SPIC: variants seen among roughly 807,000 people sequenced by gnomAD.
SPIC encodes the protein Spi-C transcription factor.
Under a neutral mutation model 16.7 loss-of-function variants are expected in SPIC, and 9 were observed. The ratio of observed to expected loss-of-function variants is 0.54; its 90% CI spans 0.33 to 0.94. SPIC has a LOEUF of 0.94. SPIC is among the 40% of genes least tolerant of loss of function. The probability of loss-of-function intolerance (pLI) is 0.03; values close to 1 mark genes in which losing one functional copy is unlikely to be tolerated. For missense variants in SPIC, 241 were observed against 285.8 expected (o/e 0.84, Z 1.13); for synonymous variants, 97 against 102.9 (o/e 0.94, Z 0.35).
intron 4 of SPIC, among the ~76,000 whole-genome samples, chr12:101,482,000 T>TG (rs982512174): frequency 3.8e-5 from 5 of 132,236 alleles, no homozygotes; most frequent in African/African-American, 5.6e-5. Flanking sequence ...CCCAGCACTT[T>TG]GGGAGGCCGA....
At chr12:101,482,767 A>G in intron 4 of SPIC, 25 bp from the exon 5 acceptor site, 1 of 1,589,982 alleles carries the variant, frequency 6.3e-7, no homozygotes, top group South Asian at 1.1e-5. Flanking sequence ...GTCTCACTTA[A>G]CATCCTGCTT....
At chr12:101,483,030 T>A in intron 5 of SPIC, 130 bp downstream of exon 5, 1 of 739,620 alleles carries the variant, frequency 1.4e-6, no homozygotes, top group Non-Finnish European at 2.3e-6. Context: ...TGAGAGTAAT[T>A]TAACTCTGAC....
At chr12:101,482,223 ACT>A (rs1477096646) in intron 4 of SPIC, among the ~76,000 whole-genome samples, 2 of 143,544 alleles carry the variant, frequency 1.4e-5, no homozygotes, top group African/African-American at 5.3e-5. Flanking sequence ...CAAGAGTGAA[ACT>A]CTGTCTCAAA....
chr12:101,478,109 G>T lies in SPIC; in HGVS notation c.97+458G>T, dbSNP rs556799620. Among the ~76,000 whole-genome samples the T allele has an allele frequency of 3.1e-3, 452 of 144,242 alleles. 2 individuals carry two copies. The highest frequency in any genetic ancestry group is 0.011 in the African/African-American group (436 of 38,606). The allele number at this position is 144,242 out of a possible 152,430, so 94.6% of individuals were successfully genotyped here. ...TGCAGTGGCGCGATCTCGGCTCACT[G>T]CAAGCTCCTCCTCCCGGGTTCACGC... On this transcript the variant is annotated intron_variant, in intron 3 of 5. Transcript: ENST00000551346.
At chr12:101,479,236 GAA>G (rs1565831166) in intron 3 of SPIC, among the ~76,000 whole-genome samples, 2 of 89,348 alleles carry the variant, frequency 2.2e-5, no homozygotes, top group African/African-American at 4.0e-5. Flanking sequence ...AAGAAAGAAA[GAA>G]AGAAAAAGAA....
chr12:101,476,165 T>G (rs1872951472), intron 1 of SPIC, among the ~76,000 whole-genome samples: 1 of 152,180 alleles, frequency 6.6e-6, no homozygotes, highest in South Asian at 2.1e-4. Flanking sequence ...GGGTTGGTTT[T>G]TGTTTGTTTG....
In SPIC at chr12:101,479,647, G is replaced by A. The variant is rs1873124915; in HGVS notation, c.163G>A (p.Gly55Arg). ...TGTCAAAGGAAATTCCAGCTGCTAT[G>A]GAGTGTTGCCTACAGAGGAGCCTGT... ...PHVKGNSSCY[G>R]VLPTEEPVYN... Residue 55 changes from glycine to arginine, a missense_variant, in exon 4 of 6, where the codon GGA (glycine) becomes AGA (arginine). By Grantham distance (125) the Gly-to-Arg change is moderately radical. Coordinates refer to ENST00000551346, the MANE Select transcript of SPIC (RefSeq NM_152323.3). 1 of 1,613,646 alleles carries A rather than the reference G, an allele frequency of 6.2e-7. No individual in the cohort carries two copies. Among genetic ancestry groups the A allele is most frequent in the African/African-American group, 1.3e-5 (1 of 75,004 alleles).
chr12:101,483,633 GT>G, intron 5 of SPIC, among the ~76,000 whole-genome samples: 1 of 150,448 alleles, frequency 6.6e-6, no homozygotes, highest in East Asian at 2.0e-4. Flanking sequence ...TTTTTTAATT[GT>G]TGCCCAGGTT....
At chr12:101,479,310 A>G (rs1450142668) in intron 3 of SPIC, among the ~76,000 whole-genome samples, 7 of 108,432 alleles carry the variant, frequency 6.5e-5, no homozygotes, top group East Asian at 3.8e-4. Context: ...GAAAGAAAAA[A>G]GAAAGAAAGA....
intron 4 of SPIC, among the ~76,000 whole-genome samples, chr12:101,482,307 T>G (rs1327256745): frequency 6.6e-6 from 1 of 151,340 alleles, no homozygotes; most frequent in African/African-American, 2.4e-5. Flanking sequence ...TGGGCTCAAG[T>G]GATTCCCCTG....
chr12:101,479,153 GA>G (rs1164947603), intron 3 of SPIC, among the ~76,000 whole-genome samples: 5 of 76,618 alleles, frequency 6.5e-5, no homozygotes, highest in African/African-American at 2.5e-4. Context: ...AAAAAAGAAA[GA>G]AAAGAAAGAA....
intron 4 of SPIC, among the ~76,000 whole-genome samples, chr12:101,481,938 C>A (rs1195520014): frequency 2.2e-5 from 3 of 133,666 alleles, no homozygotes; most frequent in South Asian, 5.3e-4. Flanking sequence ...CAGGCATGAG[C>A]CACCATGCCT....
intron 2 of SPIC, 70 bp downstream of exon 2, chr12:101,476,977 CT>C (rs1326965370): frequency 2.1e-6 from 2 of 971,492 alleles, no homozygotes; most frequent in Non-Finnish European, 2.9e-6. Flanking sequence ...AATTAAAAAA[CT>C]TTTTTCTTTA....
intron 4 of SPIC, among the ~76,000 whole-genome samples, chr12:101,481,587 G>A: frequency 6.6e-6 from 1 of 150,520 alleles, no homozygotes; most frequent in East Asian, 2.0e-4. Flanking sequence ...TCGGCTCACT[G>A]CATCCTCCGC....
chr12:101,478,839 T>C (rs1873044785), intron 3 of SPIC, among the ~76,000 whole-genome samples: 1 of 152,094 alleles, frequency 6.6e-6, no homozygotes, highest in South Asian at 2.1e-4. Flanking sequence ...TGTTCCAAGA[T>C]AAGAGAAATC....
intron 4 of SPIC, among the ~76,000 whole-genome samples, chr12:101,481,194 C>CT (rs34552801): frequency 0.69 from 103,363 of 149,296 alleles, 36,170 homozygotes; most frequent in Middle Eastern, 0.82. Context: ...TGGCTGTCAT[C>CT]TTTTTTTTTT....
At position 101,486,581 on chromosome 12, in the gene SPIC, G is replaced by A. The variant is rs755944301; in HGVS notation, c.557G>A (p.Arg186Gln). The A allele has an allele frequency of 1.7e-5, 28 of 1,613,940 alleles. No individual in the cohort carries two copies. The highest frequency in any genetic ancestry group is 2.0e-5 in the Non-Finnish European group (24 of 1,180,002). Residue 186 changes from arginine to glutamine, a missense_variant, in exon 6 of 6, where the codon CGG becomes CAG. Physicochemically the swap from Arg to Gln is conservative, Grantham distance 43 (BLOSUM62 1). Transcript: ENST00000551346. ...AGAAGTGGGGAAATTACCAAAATCCGGAGGAAGCTGACTTACCAGTTCAGT... is the reference window on the plus strand; with the variant it reads ...AGAAGTGGGGAAATTACCAAAATCCAGAGGAAGCTGACTTACCAGTTCAGT... ...YGRSGEITKI[R>Q]RKLTYQFSEA...
At chr12:101,478,267 G>T (rs1288481767) in intron 3 of SPIC, among the ~76,000 whole-genome samples, 1 of 151,988 alleles carries the variant, frequency 6.6e-6, no homozygotes, top group Non-Finnish European at 1.5e-5. Context: ...TCCTGACCTC[G>T]TGATCCGCCC....
Position 101,477,608 on chromosome 12 carries a change from G to A in SPIC, c.54G>A (p.Glu18=). 6.2e-7 allele frequency: 1 copy of A among 1,613,694 alleles called. No individual in the cohort carries two copies. Among genetic ancestry groups the A allele is most frequent in the Non-Finnish European group, 8.5e-7 (1 of 1,179,932 alleles). Residue 18 remains glutamate (E), a synonymous_variant, in exon 3 of 6, where the codon GAG becomes GAA. Transcript: ENST00000551346. ...KLGQAFEDAF[E]VLRQHSTGDL... Reference sequence around the variant, plus strand: ...GTCAAGCATTTGAAGATGCTTTTGAGGTTCTGAGGCAACATTCAACTGGAG... The same window carrying A: ...GTCAAGCATTTGAAGATGCTTTTGAAGTTCTGAGGCAACATTCAACTGGAG...
Sources: gnomAD v4.1 joint callset for allele counts (sites outside exome capture counted in the v4.1 genomes callset) on GRCh38, gnomAD v4.1.1 for gene constraint, MANE v1.5 for transcripts, NCBI Gene and HGNC (gene_info 2026-07-23, HGNC 2026-07-21) for gene names.